The following GPR176 variants were observed in gnomAD, a reference collection of about 807,000 sequenced individuals.
GPR176 encodes the protein G protein-coupled receptor 176.
Under a neutral mutation model 35.4 loss-of-function variants are expected in GPR176, and 26 were observed. The observed-to-expected ratio is 0.74, with a 90% CI of 0.54 to 1.02. The LOEUF (loss-of-function observed/expected upper bound fraction) is 1.02, where lower values mean the gene tolerates loss of function less well. Among genes scored for constraint, GPR176 ranks in the 50% least tolerant of loss-of-function variants. The pLI is 0.00. For missense variants in GPR176, 597 were observed against 665.3 expected (o/e 0.90, Z 1.13); for synonymous variants, 278 against 271.3 (o/e 1.02, Z -0.24).
chr15:39,866,013 T>C (rs182949685), intron 1 of GPR176, among the ~76,000 whole-genome samples: 49 of 151,962 alleles, frequency 3.2e-4, no homozygotes, highest in African/African-American at 1.2e-3. Context: ...CTGTGAATCA[T>C]AAAAAGGGAT....
chr15:39,858,446 C>T (rs2031385684), intron 1 of GPR176, among the ~76,000 whole-genome samples: 1 of 151,988 alleles, frequency 6.6e-6, no homozygotes, highest in Non-Finnish European at 1.5e-5. Flanking sequence ...CTGGGCAGAG[C>T]AGCTCATGCC....
chr15:39,875,728 A>G (rs1392014417), intron 1 of GPR176, among the ~76,000 whole-genome samples: 1 of 152,220 alleles, frequency 6.6e-6, no homozygotes, highest in Non-Finnish European at 1.5e-5. Context: ...AGAAAAGTGA[A>G]TAACATATGT....
chr15:39,873,600 C>T (rs1018803705), intron 1 of GPR176, among the ~76,000 whole-genome samples: 1 of 149,548 alleles, frequency 6.7e-6, no homozygotes, highest in African/African-American at 2.5e-5. Context: ...AATTAACCAG[C>T]CATGGGCTAG....
intron 1 of GPR176, among the ~76,000 whole-genome samples, chr15:39,904,536 G>A (rs1048105441): frequency 2.0e-5 from 3 of 152,168 alleles, no homozygotes; most frequent in African/African-American, 7.2e-5. Context: ...AAGGAAGGGT[G>A]GGGGTGCTCA....
intron 1 of GPR176, among the ~76,000 whole-genome samples, chr15:39,865,253 A>G (rs1019318808): frequency 5.3e-5 from 8 of 152,110 alleles, no homozygotes; most frequent in African/African-American, 1.9e-4. Context: ...TGTACCCATA[A>G]GTTTATCACA....
At chr15:39,891,383 A>C (rs1371655772) in intron 1 of GPR176, among the ~76,000 whole-genome samples, 1 of 152,136 alleles carries the variant, frequency 6.6e-6, no homozygotes, top group Non-Finnish European at 1.5e-5. Context: ...GTTAAAGATG[A>C]GTTCTTGCTG....
chr15:39,847,742 C>CAAAAAAA (rs34896644), intron 1 of GPR176, among the ~76,000 whole-genome samples: 4 of 68,822 alleles, frequency 5.8e-5, no homozygotes, highest in Admixed American at 1.9e-4. Context: ...GACTCTGTCT[C>CAAAAAAA]AAAAAAAAAA....
At chr15:39,831,016 T>G (rs1901043592) in intron 1 of GPR176, among the ~76,000 whole-genome samples, 1 of 152,196 alleles carries the variant, frequency 6.6e-6, no homozygotes, top group South Asian at 2.1e-4. Context: ...TTGAACGTTT[T>G]AAATTGATTA....
At chr15:39,835,142 C>T (rs758188843) in intron 1 of GPR176, among the ~76,000 whole-genome samples, 1 of 151,980 alleles carries the variant, frequency 6.6e-6, no homozygotes. Flanking sequence ...TTCAGCCTCC[C>T]GAGTAGCTGG....
At chr15:39,841,321 C>A (rs2029960943) in intron 1 of GPR176, among the ~76,000 whole-genome samples, 1 of 138,642 alleles carries the variant, frequency 7.2e-6, no homozygotes, top group Admixed American at 7.2e-5. Flanking sequence ...GAATTGTGTC[C>A]CCACCCCACC....
intron 1 of GPR176, among the ~76,000 whole-genome samples, chr15:39,900,481 T>C (rs956405363): frequency 6.6e-6 from 1 of 152,204 alleles, no homozygotes; most frequent in African/African-American, 2.4e-5. Flanking sequence ...CTGATATTAA[T>C]AATAAGAATG....
intron 1 of GPR176, among the ~76,000 whole-genome samples, chr15:39,895,675 T>C (rs2033091562): frequency 6.6e-6 from 1 of 152,088 alleles, no homozygotes; most frequent in Non-Finnish European, 1.5e-5. Flanking sequence ...TTTTAATGGA[T>C]GATGAGGGTG....
intron 1 of GPR176, among the ~76,000 whole-genome samples, chr15:39,884,553 T>C (rs2032599888): frequency 6.6e-6 from 1 of 152,166 alleles, no homozygotes. Context: ...CTCAAAGAAG[T>C]CATTATGGCA....
chr15:39,883,319 G>A (rs771711798), intron 1 of GPR176, among the ~76,000 whole-genome samples: 1 of 151,762 alleles, frequency 6.6e-6, no homozygotes, highest in Non-Finnish European at 1.5e-5. Flanking sequence ...TTTTACTTCA[G>A]AATTATACTA....
At chr15:39,866,024 G>A (rs925988653) in intron 1 of GPR176, among the ~76,000 whole-genome samples, 4 of 152,002 alleles carry the variant, frequency 2.6e-5, no homozygotes, top group Non-Finnish European at 5.9e-5. Context: ...AAAAAGGGAT[G>A]AGCAAGATCT....
chr15:39,807,399 A>C, intron 1 of GPR176, 141 bp from the exon 2 acceptor site: 1 of 718,752 alleles, frequency 1.4e-6, no homozygotes, highest in South Asian at 3.0e-5. Flanking sequence ...TAATATTAAA[A>C]TTTAACATAT....
chr15:39,813,815 C>T (rs1327802109), intron 1 of GPR176, among the ~76,000 whole-genome samples: 2 of 152,166 alleles, frequency 1.3e-5, no homozygotes, highest in Admixed American at 1.3e-4. Flanking sequence ...TCCAATATTT[C>T]ATTATTATAC....
rs141736756 is a variant in GPR176 at position 39,858,047 on chromosome 15, C to T, written c.173-50789G>A. On this transcript the variant is annotated intron_variant, in intron 1 of 2. Coordinates refer to ENST00000561100, the MANE Select transcript of GPR176 (RefSeq NM_007223.3). Reference sequence around the variant, plus strand: ...GCCAGTACTGAAATCTCCAGCTCTACACAGGCCATAAGACCTGGGGGCCAG... The same window carrying T: ...GCCAGTACTGAAATCTCCAGCTCTATACAGGCCATAAGACCTGGGGGCCAG... 3.4e-3 allele frequency among the ~76,000 whole-genome samples: 517 copies of T among 151,360 alleles called. 4 individuals carry two copies. Among genetic ancestry groups the T allele is most frequent in the African/African-American group, 0.012 (491 of 41,274 alleles).
intron 1 of GPR176, among the ~76,000 whole-genome samples, chr15:39,835,898 T>C (rs868257546): frequency 6.6e-6 from 1 of 151,988 alleles, no homozygotes; most frequent in Admixed American, 6.6e-5. Context: ...AGTTCGATAA[T>C]AGCCTGGTCA....
Sources: allele counts gnomAD v4.1 joint callset (sites outside exome capture counted in the v4.1 genomes callset), GRCh38; gene constraint gnomAD v4.1.1; transcripts MANE v1.5; gene names NCBI Gene and HGNC (gene_info 2026-07-23, HGNC 2026-07-21).